EDARADD: variants seen among roughly 807,000 people sequenced by gnomAD.
The protein encoded by EDARADD is ectodysplasin-A receptor-associated adapter protein.
Under a neutral mutation model 25.6 loss-of-function variants are expected in EDARADD, and 20 were observed. The ratio of observed to expected loss-of-function variants is 0.78; its 90% confidence interval spans 0.55 to 1.14. The LOEUF is 1.14. Ranked by LOEUF, EDARADD falls within the 50% of genes most tolerant of loss-of-function variation. The pLI, the probability that EDARADD is intolerant of heterozygous loss-of-function variation, is 0.00. For synonymous variants in EDARADD, 86 were observed against 94.4 expected (o/e 0.91, Z 0.52); for missense variants, 225 against 270.1 (o/e 0.83, Z 1.17).
In EDARADD at chr1:236,395,578, C is replaced by T; in HGVS notation, c.61+1073C>T. On this transcript the variant is annotated intron_variant, in intron 1 of 5. Transcript: ENST00000334232. The surrounding 1 kb of genome is among the most constrained non-coding windows in gnomAD (Gnocchi z 6.9). ...CGTGGTCCCACGGTCCTCCCGCGCC[C>T]CGGAGGCCTGCCAGCCCCGCTCGGA... 6.5e-7 allele frequency: 1 copy of T among 1,545,818 alleles called. No individual in the cohort carries two copies. Among genetic ancestry groups the T allele is most frequent in the African/African-American group, 1.4e-5 (1 of 73,234 alleles).
Position 236,484,706 on chromosome 1 carries a change from C to CAT in EDARADD, c.*2058_*2059insTA. On this transcript the variant is annotated 3_prime_UTR_variant, in exon 6 of 6. Coordinates refer to ENST00000334232, the MANE Select transcript of EDARADD (RefSeq NM_145861.4). This position sits in a 1 kb window ranked among gnomAD's most constrained non-coding sequence, Gnocchi z 4.1. ...CTGGAGACAGAGTGAGAGTCCGTCC[C>CAT]AGAAAAAAAAAAAAAAAAAAAGAAC... 1 of 204,060 alleles carries CAT rather than the reference C, an allele frequency of 4.9e-6. No individual in the cohort carries two copies. The highest frequency in any genetic ancestry group is 6.7e-5 in the Admixed American group (1 of 14,820). The allele number at this position is 204,060 out of a possible 1,614,324, so 12.6% of individuals were successfully genotyped here.
At chr1:236,348,908 A>G (rs1666881795) in exon 2 of EDARADD, 1 of 152,168 alleles carries the variant, frequency 6.6e-6, no homozygotes, top group African/African-American at 2.4e-5. Flanking sequence ...AAATATTGCA[A>G]TCCCAAGTGT....
chr1:236,389,380 T>G (rs1667394154), upstream of EDARADD, among the ~76,000 whole-genome samples: 6 of 152,196 alleles, frequency 3.9e-5, no homozygotes, highest in South Asian at 1.2e-3. Flanking sequence ...CACCCACACT[T>G]TGCCATTCTG....
Position 236,395,492 on chromosome 1 carries a change from CAG to C in EDARADD, c.61+988_61+989del. The stretch of plus-strand genomic sequence containing the variant: ...GAAGGGAGGGGAAGGCGGAGGAGGG[CAG>C]GGGCGCGCAGAGCCACGGTTTGCTC... On this transcript the variant is annotated intron_variant, in intron 1 of 5. Transcript: ENST00000334232. This position sits in a 1 kb window ranked among gnomAD's most constrained non-coding sequence, Gnocchi z 6.9. The C allele has an allele frequency of 6.6e-7, 1 of 1,521,062 alleles. No homozygotes were observed. 94.2% of individuals were successfully genotyped at this position (1,521,062 alleles called of 1,614,324 possible).
intron 4 of EDARADD, among the ~76,000 whole-genome samples, chr1:236,445,234 C>CTTTTTTTTTTCTTTTTTT: frequency 1.1e-5 from 1 of 89,722 alleles, no homozygotes; most frequent in Admixed American, 1.4e-4. Context: ...ATAATAAATT[C>CTTTTTTTTTTCTTTTTTT]TTTTTTTTTT....
intron 5 of EDARADD, 62 bp downstream of exon 5, chr1:236,468,338 T>C: frequency 1.3e-6 from 2 of 1,570,340 alleles, no homozygotes; most frequent in Non-Finnish European, 1.8e-6. Flanking sequence ...AAAAGATAAT[T>C]TGAGGCCAGG....
chr1:236,412,601 A>T (rs948457474), intron 2 of EDARADD, among the ~76,000 whole-genome samples: 4 of 152,208 alleles, frequency 2.6e-5, no homozygotes, highest in South Asian at 4.1e-4. Context: ...TCTTCCAGCC[A>T]CCTGATCCCT....
chr1:236,406,361 A>G (rs1240206281), intron 1 of EDARADD, among the ~76,000 whole-genome samples: 1 of 152,186 alleles, frequency 6.6e-6, no homozygotes, highest in Non-Finnish European at 1.5e-5. Flanking sequence ...GTCATATGTC[A>G]CTTAACAACA....
intron 3 of EDARADD, among the ~76,000 whole-genome samples, chr1:236,356,712 T>A (rs1336358121): frequency 6.6e-6 from 1 of 151,746 alleles, no homozygotes; most frequent in Admixed American, 6.6e-5. Flanking sequence ...ATAATCATAG[T>A]CTCTACTACC....
intron 3 of EDARADD, among the ~76,000 whole-genome samples, chr1:236,365,150 T>C (rs28691678): frequency 2.6e-5 from 1 of 38,422 alleles, no homozygotes; most frequent in Admixed American, 3.4e-4. Context: ...TTTTCTTTTC[T>C]TTTTTTTTTC....
chr1:236,477,145 T>A (rs1349934644), intron 5 of EDARADD, among the ~76,000 whole-genome samples: 3 of 151,990 alleles, frequency 2.0e-5, no homozygotes, highest in African/African-American at 7.3e-5. Flanking sequence ...CCTTCCAAAC[T>A]TTTCTCCATG....
At chr1:236,430,268 T>A (rs1017468968) in intron 4 of EDARADD, among the ~76,000 whole-genome samples, 2 of 152,248 alleles carry the variant, frequency 1.3e-5, no homozygotes, top group Non-Finnish European at 2.9e-5. Context: ...CTTACTGAAT[T>A]TAAACTAGTT....
upstream of EDARADD, among the ~76,000 whole-genome samples, chr1:236,389,361 A>G (rs1056257671): frequency 1.3e-5 from 2 of 152,196 alleles, no homozygotes; most frequent in Admixed American, 1.3e-4. Context: ...AATACACCAT[A>G]CTAAGAATCA....
intron 3 of EDARADD, among the ~76,000 whole-genome samples, chr1:236,372,759 A>C (rs2102993937): frequency 6.6e-6 from 1 of 152,166 alleles, no homozygotes; most frequent in Non-Finnish European, 1.5e-5. Context: ...GGCTTATTCA[A>C]ATTGTTTCTC....
chr1:236,381,803 T>TTTTTTC, intron 3 of EDARADD, among the ~76,000 whole-genome samples: 1 of 123,554 alleles, frequency 8.1e-6, no homozygotes, highest in Non-Finnish European at 1.7e-5. Context: ...TGTGGTTGCT[T>TTTTTTC]TTTTTTTTTT....
At chr1:236,383,735 G>A (rs1452479396) in intron 3 of EDARADD, among the ~76,000 whole-genome samples, 1 of 152,074 alleles carries the variant, frequency 6.6e-6, no homozygotes, top group Non-Finnish European at 1.5e-5. Flanking sequence ...TGAGAATAGT[G>A]GCTCATACCT....
At chr1:236,456,614 C>T (rs905252007) in intron 4 of EDARADD, among the ~76,000 whole-genome samples, 4 of 152,148 alleles carry the variant, frequency 2.6e-5, no homozygotes, top group South Asian at 4.1e-4. Context: ...GTGCCTCTGC[C>T]ACCACAGGAA....
rs181858707 is a variant in EDARADD at position 236,408,212 on chromosome 1, T to A, written c.62-1004T>A. 1.1e-3 allele frequency among the ~76,000 whole-genome samples: 175 copies of A among 152,238 alleles called. 1 individual carries two copies. Among genetic ancestry groups the A allele is most frequent in the African/African-American group, 3.5e-3 (145 of 41,536 alleles). On this transcript the variant is annotated intron_variant, in intron 1 of 5. Coordinates refer to ENST00000334232, the MANE Select transcript of EDARADD (RefSeq NM_145861.4). ...TTTTTATATTTTTAATTAATTAATTTATTTTTTTGAGATGGAGTTTTGCTC... is the reference window on the plus strand; with the variant it reads ...TTTTTATATTTTTAATTAATTAATTAATTTTTTTGAGATGGAGTTTTGCTC...
chr1:236,399,803 G>A (rs933362096), intron 1 of EDARADD, among the ~76,000 whole-genome samples: 9 of 152,272 alleles, frequency 5.9e-5, no homozygotes, highest in African/African-American at 2.2e-4. Flanking sequence ...CGGCCACAGA[G>A]CATTGCAAAA....
Sources: allele counts gnomAD v4.1 joint callset (sites outside exome capture counted in the v4.1 genomes callset), GRCh38; gene constraint gnomAD v4.1.1; non-coding constraint Gnocchi (gnomAD v3.1); transcripts MANE v1.5; gene names NCBI Gene and HGNC (gene_info 2026-07-23, HGNC 2026-07-21).